NUMB: variants seen among roughly 807,000 people sequenced by gnomAD.
NUMB encodes the protein NUMB endocytic adaptor protein, also known as protein numb homolog.
In NUMB, 29 loss-of-function variants were observed where a neutral mutation model predicts 59.7. The observed-to-expected ratio is 0.49, with a 90% CI of 0.36 to 0.66. The LOEUF is 0.66. Ranked by LOEUF, NUMB falls within the 30% of genes least tolerant of loss-of-function variation. The pLI is 0.00. For missense variants in NUMB, 723 were observed against 822.0 expected (o/e 0.88, Z 1.47); for synonymous variants, 288 against 288.2 (o/e 1.00, Z 0.01).
intron 6 of NUMB, among the ~76,000 whole-genome samples, chr14:73,303,919 T>C (rs572505508): frequency 6.6e-6 from 1 of 152,340 alleles, no homozygotes; most frequent in African/African-American, 2.4e-5. Context: ...TCTCAAGTAA[T>C]TACTCTACAC....
rs373334110 is a variant in NUMB at position 73,288,022 on chromosome 14, G to T, written c.451-708C>A. On this transcript the variant is annotated intron_variant, in intron 8 of 12. Transcript: ENST00000555238. ...CCACTTCTAAGAAACTACTGGAAAG[G>T]CAAGGCAAATTTCAGGAGCTTAATG... Among the ~76,000 whole-genome samples, 5 of 152,306 alleles carry T rather than the reference G, an allele frequency of 3.3e-5. No homozygotes were observed. In the East Asian group the frequency reaches 9.6e-4, roughly 29 times the overall value.
chr14:73,414,361 C>A (rs1172054839), intron 1 of NUMB, among the ~76,000 whole-genome samples: 1 of 152,148 alleles, frequency 6.6e-6, no homozygotes, highest in African/African-American at 2.4e-5. Flanking sequence ...AAGAGAAACT[C>A]ATTTTGCATG....
chr14:73,372,585 T>C (rs1894765983), intron 2 of NUMB, among the ~76,000 whole-genome samples: 1 of 151,086 alleles, frequency 6.6e-6, no homozygotes, highest in Non-Finnish European at 1.5e-5. Context: ...ATTTCAGCCT[T>C]TTCTCTTTTC....
At chr14:73,451,432 T>C (rs1235645279) in intron 1 of NUMB, among the ~76,000 whole-genome samples, 2 of 118,244 alleles carry the variant, frequency 1.7e-5, no homozygotes, top group Non-Finnish European at 3.4e-5. Context: ...GGAGACACCG[T>C]CTAAAAAAAA....
intron 2 of NUMB, among the ~76,000 whole-genome samples, chr14:73,398,409 AGAGAGAGTGTGTGTGT>A (rs375381257): frequency 0.042 from 5,023 of 120,044 alleles, 273 homozygotes; most frequent in African/African-American, 0.14. Context: ...AGAGAGAGAG[AGAGAGAGTGTGTGTGT>A]GTGTGTGTGT....
At chr14:73,333,418 G>C (rs1175752381) in intron 4 of NUMB, among the ~76,000 whole-genome samples, 1 of 151,606 alleles carries the variant, frequency 6.6e-6, no homozygotes, top group Non-Finnish European at 1.5e-5. Flanking sequence ...TTAAATTTGA[G>C]ACAAGGTCTC....
intron 4 of NUMB, 58 bp downstream of exon 4, chr14:73,355,568 A>T (rs956000105): frequency 6.7e-7 from 1 of 1,501,398 alleles, no homozygotes; most frequent in East Asian, 2.4e-5. Context: ...GAGATTTCAC[A>T]TACACTAGAT....
intron 8 of NUMB, among the ~76,000 whole-genome samples, chr14:73,288,723 A>T (rs1280854966): frequency 6.7e-6 from 1 of 150,270 alleles, no homozygotes; most frequent in African/African-American, 2.5e-5. Context: ...GCCAGGCATG[A>T]TGGCGCATGC....
At chr14:73,398,809 T>G (rs1896272180) in intron 2 of NUMB, among the ~76,000 whole-genome samples, 1 of 152,122 alleles carries the variant, frequency 6.6e-6, no homozygotes, top group South Asian at 2.1e-4. Flanking sequence ...TGGGTAGCCA[T>G]TCTAAAAAAC....
At chr14:73,447,581 T>C (rs1883609747) in intron 1 of NUMB, among the ~76,000 whole-genome samples, 1 of 149,060 alleles carries the variant, frequency 6.7e-6, no homozygotes, top group African/African-American at 2.5e-5. Flanking sequence ...CTGACACTTA[T>C]AATCCCAGCA....
intron 2 of NUMB, among the ~76,000 whole-genome samples, chr14:73,396,907 G>C (rs1896164272): frequency 1.3e-5 from 2 of 152,158 alleles, no homozygotes; most frequent in Admixed American, 1.3e-4. Flanking sequence ...CAGATCACTT[G>C]AAGTCAGGAG....
chr14:73,379,978 TTA>T (rs1196377309), intron 2 of NUMB, among the ~76,000 whole-genome samples: 2 of 152,330 alleles, frequency 1.3e-5, no homozygotes, highest in Non-Finnish European at 2.9e-5. Context: ...GGTTATTGTA[TTA>T]TAAATAGATC....
chr14:73,395,925 A>C (rs1896107520), intron 2 of NUMB, among the ~76,000 whole-genome samples: 1 of 152,266 alleles, frequency 6.6e-6, no homozygotes, highest in Non-Finnish European at 1.5e-5. Context: ...TGAAAGAGAA[A>C]TAAAATCCTT....
chr14:73,334,168 C>G (rs1437039877), intron 4 of NUMB, among the ~76,000 whole-genome samples: 1 of 152,154 alleles, frequency 6.6e-6, no homozygotes, highest in Non-Finnish European at 1.5e-5. Context: ...TCTCCTGCCT[C>G]AGCCTCCCAA....
chr14:73,372,427 ATATG>A (rs1473460382), intron 2 of NUMB, among the ~76,000 whole-genome samples: 6 of 146,456 alleles, frequency 4.1e-5, no homozygotes, highest in African/African-American at 7.4e-5. Context: ...ATGTGCCTAT[ATATG>A]TATATCTATA....
chr14:73,349,698 T>C (rs1453198349), intron 4 of NUMB, among the ~76,000 whole-genome samples: 1 of 151,596 alleles, frequency 6.6e-6, no homozygotes, highest in African/African-American at 2.4e-5. Flanking sequence ...GCTAACACGG[T>C]GAAACCCCGT....
At position 73,443,612 on chromosome 14, in the gene NUMB, A is replaced by G. The variant is rs1883241013; in HGVS notation, c.-233+14881T>C. On this transcript the variant is annotated intron_variant, in intron 1 of 12. Transcript: ENST00000555238. Reference sequence around the variant, plus strand: ...CTCCATCTCAAAAAAAAAAAAAAAAAGTAGAAAAAACAGGCTGAGAGGATT... The same window carrying G: ...CTCCATCTCAAAAAAAAAAAAAAAAGGTAGAAAAAACAGGCTGAGAGGATT... 2.6e-5 allele frequency among the ~76,000 whole-genome samples: 4 copies of G among 151,356 alleles called. 1 individual carries two copies. The South Asian group carries it at 6.3e-4, about 24-fold the overall frequency.
rs979234771 is a variant in NUMB at position 73,419,685 on chromosome 14, A to AAACAGAAAGTCCCACCCAAG, written c.-232-9637_-232-9618dup. 3.3e-5 allele frequency among the ~76,000 whole-genome samples: 5 copies of AAACAGAAAGTCCCACCCAAG among 152,224 alleles called. No homozygotes were observed. In the South Asian group the frequency reaches 1.0e-3, roughly 32 times the overall value. The stretch of plus-strand genomic sequence containing the variant: ...GGGGAGCTAAGTCTGACATCAAAGT[A>AAACAGAAAGTCCCACCCAAG]AACAGAAAGTCCCACCCAAGAACAG... On this transcript the variant is annotated intron_variant, in intron 1 of 12. Coordinates refer to ENST00000555238, the MANE Select transcript of NUMB (RefSeq NM_001005743.2).
rs10677503 is a variant in NUMB at position 73,404,260 on chromosome 14, AAATAATAAT to A, written c.-101+5668_-101+5676del. On this transcript the variant is annotated intron_variant, in intron 2 of 12. Coordinates refer to ENST00000555238, the MANE Select transcript of NUMB (RefSeq NM_001005743.2). ...ATGTCTCAAAAAACAAAAAAAGGTA[AAATAATAAT>A]AATAATAATAATAATAATAACATGC... Among the ~76,000 whole-genome samples the A allele has an allele frequency of 1.1e-3, 157 of 145,978 alleles. 2 individuals carry two copies. Among genetic ancestry groups the A allele is most frequent in the African/African-American group, 2.4e-3 (95 of 39,992 alleles).
Sources: allele counts gnomAD v4.1 joint callset (sites outside exome capture counted in the v4.1 genomes callset), GRCh38; gene constraint gnomAD v4.1.1; transcripts MANE v1.5; gene names NCBI Gene and HGNC (gene_info 2026-07-23, HGNC 2026-07-21).